ZNF90: variants seen among roughly 807,000 people sequenced by gnomAD.
ZNF90 encodes zinc finger protein 90, also known as zinc finger protein HTF9.
Under a neutral mutation model 12.0 loss-of-function variants are expected in ZNF90, and 11 were observed. The observed-to-expected ratio is 0.92, with a 90% CI of 0.58 to 1.52. The LOEUF (loss-of-function observed/expected upper bound fraction) is 1.52, where lower values mean the gene tolerates loss of function less well. Among genes scored for constraint, ZNF90 ranks in the 40% most tolerant of loss-of-function variants. The pLI is 0.00. For missense variants in ZNF90, 765 were observed against 711.5 expected (o/e 1.08, Z -0.86); for synonymous variants, 232 against 240.1 (o/e 0.97, Z 0.31).
At position 20,080,435 on chromosome 19, in the gene ZNF90, G is replaced by A. The variant is rs533568748; in HGVS notation, c.3+2300G>A. 85 of 324,238 alleles carry A rather than the reference G, an allele frequency of 2.6e-4. No individual in the cohort carries two copies. In the Admixed American group the frequency reaches 3.4e-3, roughly 13 times the overall value. The allele number at this position is 324,238 out of a possible 1,614,324, so 20.1% of individuals were successfully genotyped here. A position where few individuals can be genotyped will look rare whatever the true frequency, so the allele number is the denominator to read the frequency against. ...GGATGCGGCGGGGGCCAATCTTGGTGTTGGCAGCCGGGCGCCACAACTCAT... is the reference window on the plus strand; with the variant it reads ...GGATGCGGCGGGGGCCAATCTTGGTATTGGCAGCCGGGCGCCACAACTCAT... On this transcript the variant is annotated intron_variant, in intron 1 of 3. Transcript: ENST00000418063.
intron 1 of ZNF90, among the ~76,000 whole-genome samples, chr19:20,100,977 C>A (rs1222030971): frequency 1.3e-5 from 2 of 152,034 alleles, no homozygotes; most frequent in African/African-American, 4.8e-5. Flanking sequence ...CTTTGGATCC[C>A]CTCCCATTGT....
At chr19:20,078,545 T>C (rs1161397999) in intron 1 of ZNF90, among the ~76,000 whole-genome samples, 3 of 152,138 alleles carry the variant, frequency 2.0e-5, no homozygotes, top group Admixed American at 6.5e-5. Flanking sequence ...CTGTGGTTCA[T>C]GCCTGTAATC....
At chr19:20,093,722 G>C (rs1006083628) in intron 1 of ZNF90, among the ~76,000 whole-genome samples, 7 of 152,128 alleles carry the variant, frequency 4.6e-5, no homozygotes, top group African/African-American at 1.7e-4. Context: ...AACAGTTATG[G>C]GGGCAAGGAA....
chr19:20,094,824 G>A (rs974563055), intron 1 of ZNF90, among the ~76,000 whole-genome samples: 13 of 152,176 alleles, frequency 8.5e-5, no homozygotes, highest in Non-Finnish European at 1.9e-4. Flanking sequence ...CCTAAACATT[G>A]ACTGATCTGA....
chr19:20,117,408 C>T (rs2089148873), intron 3 of ZNF90, among the ~76,000 whole-genome samples: 2 of 142,254 alleles, frequency 1.4e-5, no homozygotes, highest in Non-Finnish European at 3.0e-5. Context: ...TCCTTCCTTC[C>T]TTCCTTCCTT....
At chr19:20,097,888 A>C (rs1315767656) in intron 1 of ZNF90, among the ~76,000 whole-genome samples, 2 of 152,244 alleles carry the variant, frequency 1.3e-5, no homozygotes, top group African/African-American at 2.4e-5. Flanking sequence ...ATATATATCT[A>C]ATCAATAATC....
At chr19:20,087,693 G>T (rs543691766) in intron 1 of ZNF90, 1 of 152,236 alleles carries the variant, frequency 6.6e-6, no homozygotes, top group Admixed American at 6.5e-5. Flanking sequence ...GCTTTCGTGC[G>T]TGTCTATGTG....
intron 3 of ZNF90, among the ~76,000 whole-genome samples, chr19:20,108,955 C>G (rs1483700533): frequency 4.6e-5 from 7 of 151,728 alleles, no homozygotes; most frequent in African/African-American, 1.7e-4. Flanking sequence ...GAGCTCCTGA[C>G]CTCGTGATCT....
intron 3 of ZNF90, among the ~76,000 whole-genome samples, chr19:20,111,295 G>A (rs1301190482): frequency 6.6e-6 from 1 of 152,112 alleles, no homozygotes; most frequent in African/African-American, 2.4e-5. Context: ...GCAAGGCTCA[G>A]TGCTACCCAA....
At chr19:20,107,389 A>C (rs1453358581) in intron 3 of ZNF90, among the ~76,000 whole-genome samples, 3 of 152,144 alleles carry the variant, frequency 2.0e-5, no homozygotes, top group Non-Finnish European at 4.4e-5. Context: ...TTTCCCACCT[A>C]AATGAGGGCC....
Position 20,078,087 on chromosome 19 carries a change from C to CA in ZNF90, c.-45dup. ...CCAGCCTCTGTGGCCCTGTGACCTG[C>CA]AGGTATTGGGAGATCCACAGCTGAG... On this transcript the variant is annotated 5_prime_UTR_variant, in exon 1 of 4. Coordinates refer to ENST00000418063, the MANE Select transcript of ZNF90 (RefSeq NM_007138.2). The CA allele has an allele frequency of 6.2e-7, 1 of 1,613,884 alleles. No individual in the cohort carries two copies. The highest frequency in any genetic ancestry group is 1.3e-5 in the African/African-American group (1 of 75,030).
intron 3 of ZNF90, among the ~76,000 whole-genome samples, chr19:20,115,523 T>C (rs2089129691): frequency 6.6e-6 from 1 of 151,628 alleles, no homozygotes; most frequent in African/African-American, 2.4e-5. Flanking sequence ...ATAAAAACTC[T>C]AAAAGATCCA....
chr19:20,084,412 C>A (rs1405645768), intron 1 of ZNF90, among the ~76,000 whole-genome samples: 2 of 152,090 alleles, frequency 1.3e-5, no homozygotes, highest in African/African-American at 4.8e-5. Context: ...TACAGCCTGT[C>A]CATGTCTTTG....
At chr19:20,115,389 T>C (rs1238879953) in intron 3 of ZNF90, among the ~76,000 whole-genome samples, 1 of 151,192 alleles carries the variant, frequency 6.6e-6, no homozygotes, top group Non-Finnish European at 1.5e-5. Context: ...ATTTGATTCT[T>C]GTATCTTTGT....
chr19:20,105,212 A>G lies in ZNF90; in HGVS notation c.131-9A>G. On this transcript the variant is annotated splice_polypyrimidine_tract_variant and intron_variant, in intron 2 of 3. Transcript: ENST00000418063. Reference sequence around the variant, plus strand: ...GGAAGATTCATGTTATTTATTTTTAATAAAACAGGTATTGTTGTCACTAAG... The same window carrying G: ...GGAAGATTCATGTTATTTATTTTTAGTAAAACAGGTATTGTTGTCACTAAG... The G allele has an allele frequency of 6.3e-7, 1 of 1,591,000 alleles. No homozygotes were observed.
At chr19:20,104,527 G>T (rs1306294706) in intron 2 of ZNF90, among the ~76,000 whole-genome samples, 162 bp downstream of exon 2, 3 of 152,150 alleles carry the variant, frequency 2.0e-5, no homozygotes, top group Non-Finnish European at 4.4e-5. Flanking sequence ...ATTTCTTCAA[G>T]ATGTTTCATC....
chr19:20,090,389 G>A (rs2088893005), intron 1 of ZNF90, among the ~76,000 whole-genome samples: 1 of 152,044 alleles, frequency 6.6e-6, no homozygotes, highest in Non-Finnish European at 1.5e-5. Flanking sequence ...GGGAAGTGGG[G>A]GAGAGTACTT....
At position 20,121,033 on chromosome 19, in the gene ZNF90, A is replaced by G. The variant is rs1158241839; in HGVS notation, c.*1673A>G. 6.5e-6 allele frequency: 1 copy of G among 154,940 alleles called. No homozygotes were observed. Among genetic ancestry groups the G allele is most frequent in the African/African-American group, 2.4e-5 (1 of 41,486 alleles). The allele number at this position is 154,940 out of a possible 1,614,324, so 9.6% of individuals were successfully genotyped here. A position where few individuals can be genotyped will look rare whatever the true frequency, so the allele number is the denominator to read the frequency against. On this transcript the variant is annotated 3_prime_UTR_variant, in exon 4 of 4. Transcript: ENST00000418063. ...GTTCGTATTTGACCTATATTAAGTA[A>G]TGTATAAGGTAGTGTTCAGAGTAAT... is the stretch of plus-strand genomic sequence containing the variant.
chr19:20,117,423 T>TTCCTTCCTTCTTTCCTTCCTTCCTTC (rs1555705802), intron 3 of ZNF90: 1 of 136,200 alleles, frequency 7.3e-6, no homozygotes, highest in African/African-American at 3.5e-5. Flanking sequence ...TTCCTTCCTT[T>TTCCTTCCTTCTTTCCTTCCTTCCTTC]CTTCCTTCCC....
Sources: allele counts gnomAD v4.1 joint callset (sites outside exome capture counted in the v4.1 genomes callset), GRCh38; gene constraint gnomAD v4.1.1; transcripts MANE v1.5; gene names NCBI Gene and HGNC (gene_info 2026-07-23, HGNC 2026-07-21).